SYT1: variants seen among roughly 807,000 people sequenced by gnomAD.
The protein encoded by SYT1 is synaptotagmin 1.
Under a neutral mutation model 44.8 loss-of-function variants are expected in SYT1, and 8 were observed. The ratio of observed to expected loss-of-function variants is 0.18; its 90% CI spans 0.10 to 0.32. SYT1 has a LOEUF of 0.32. Among genes scored for constraint, SYT1 ranks in the 10% least tolerant of loss-of-function variants. The pLI, the probability that SYT1 is intolerant of heterozygous loss-of-function variation, is 1.00. For missense variants in SYT1, 286 were observed against 509.3 expected, an observed-to-expected ratio of 0.56 and a Z score of 4.22; for synonymous variants, 154 against 188.8, an observed-to-expected ratio of 0.82 and a Z score of 1.51.
At chr12:79,020,590 G>A (rs1215569644) in intron 2 of SYT1, among the ~76,000 whole-genome samples, 1 of 151,898 alleles carries the variant, frequency 6.6e-6, no homozygotes, top group Non-Finnish European at 1.5e-5. Context: ...CTGCATTATA[G>A]TATATGCACC....
At chr12:79,179,300 A>AGATATATC in intron 3 of SYT1, among the ~76,000 whole-genome samples, 1 of 98,168 alleles carries the variant, frequency 1.0e-5, no homozygotes, top group Non-Finnish European at 1.9e-5. Flanking sequence ...ATACAGATTT[A>AGATATATC]GATATATCTA....
At chr12:79,176,439 G>C (rs1365050374) in intron 3 of SYT1, among the ~76,000 whole-genome samples, 2 of 151,958 alleles carry the variant, frequency 1.3e-5, no homozygotes, top group Non-Finnish European at 2.9e-5. Flanking sequence ...GACCACAATA[G>C]AAACACTTCA....
intron 3 of SYT1, among the ~76,000 whole-genome samples, chr12:79,182,582 G>A (rs1872601962): frequency 6.6e-6 from 1 of 152,050 alleles, no homozygotes; most frequent in Admixed American, 6.6e-5. Flanking sequence ...GGTAGGTCCA[G>A]ATGATATGCG....
intron 3 of SYT1, among the ~76,000 whole-genome samples, 166 bp downstream of exon 3, chr12:79,047,528 C>A (rs1874157738): frequency 6.6e-6 from 1 of 151,708 alleles, no homozygotes; most frequent in Admixed American, 6.6e-5. Context: ...AATCATTTGT[C>A]CTATAATCCT....
chr12:79,250,195 G>A (rs1469008879), intron 4 of SYT1, among the ~76,000 whole-genome samples: 2 of 152,110 alleles, frequency 1.3e-5, no homozygotes, highest in Non-Finnish European at 2.9e-5. Context: ...GTGAAAGGAG[G>A]ATTCAGGACA....
intron 1 of SYT1, among the ~76,000 whole-genome samples, chr12:78,882,032 A>G (rs1874485386): frequency 6.6e-6 from 1 of 151,708 alleles, no homozygotes; most frequent in African/African-American, 2.4e-5. Context: ...TTATTATACT[A>G]TTCATTAAAT....
chr12:79,273,649 G>A (rs577332393), intron 4 of SYT1, among the ~76,000 whole-genome samples: 5 of 152,140 alleles, frequency 3.3e-5, no homozygotes, highest in Non-Finnish European at 5.9e-5. Flanking sequence ...CAGCGAGGAG[G>A]ATATGAGGAG....
At chr12:78,925,088 A>C (rs553535632) in intron 1 of SYT1, among the ~76,000 whole-genome samples, 2 of 151,956 alleles carry the variant, frequency 1.3e-5, no homozygotes, top group South Asian at 4.1e-4. Context: ...ATCTATTTCT[A>C]TTTTTATGCC....
chr12:79,241,721 T>C (rs563114404), intron 4 of SYT1, among the ~76,000 whole-genome samples: 1 of 152,364 alleles, frequency 6.6e-6, no homozygotes, highest in Admixed American at 6.5e-5. Context: ...AAGTAGATAA[T>C]GTGTGCTGTG....
At chr12:79,200,945 T>C (rs1221561461) in intron 3 of SYT1, among the ~76,000 whole-genome samples, 1 of 152,104 alleles carries the variant, frequency 6.6e-6, no homozygotes, top group Non-Finnish European at 1.5e-5. Flanking sequence ...CATCAACCTG[T>C]ACAAATAGTG....
At chr12:79,151,106 A>G (rs1028813583) in intron 3 of SYT1, among the ~76,000 whole-genome samples, 22 of 152,144 alleles carry the variant, frequency 1.4e-4, no homozygotes, top group Admixed American at 8.5e-4. Flanking sequence ...CTGTGTCCCA[A>G]TGACAGAATG....
intron 1 of SYT1, among the ~76,000 whole-genome samples, chr12:78,964,770 G>A (rs1879685988): frequency 6.6e-6 from 1 of 152,008 alleles, no homozygotes; most frequent in Non-Finnish European, 1.5e-5. Flanking sequence ...GAGTAATTGA[G>A]ACAAAAATAA....
At chr12:78,976,427 T>TA (rs1555185925) in intron 1 of SYT1, among the ~76,000 whole-genome samples, 3 of 152,210 alleles carry the variant, frequency 2.0e-5, no homozygotes, top group African/African-American at 2.4e-5. Flanking sequence ...ACTAAGGACT[T>TA]ACGTTTTCCC....
chr12:78,946,797 A>G (rs1014535963), intron 1 of SYT1, among the ~76,000 whole-genome samples: 1 of 152,184 alleles, frequency 6.6e-6, no homozygotes, highest in Admixed American at 6.5e-5. Context: ...TGCCTATAAC[A>G]TTATACTAAA....
chr12:79,052,759 C>T (rs1874608224), intron 3 of SYT1, among the ~76,000 whole-genome samples: 1 of 152,090 alleles, frequency 6.6e-6, no homozygotes, highest in African/African-American at 2.4e-5. Context: ...TGAAAAAATG[C>T]TCATCATCAC....
At chr12:79,347,492 C>T (rs1403406765) in intron 8 of SYT1, among the ~76,000 whole-genome samples, 2 of 152,184 alleles carry the variant, frequency 1.3e-5, no homozygotes, top group African/African-American at 4.8e-5. Flanking sequence ...CACAGCCCAA[C>T]TTCTCAACCT....
intron 2 of SYT1, among the ~76,000 whole-genome samples, chr12:78,978,616 A>T (rs868557142): frequency 2.0e-5 from 3 of 152,180 alleles, no homozygotes; most frequent in Middle Eastern, 3.2e-3. Flanking sequence ...TTTCTAACAC[A>T]CTTTTATTAG....
chr12:79,039,486 A>G (rs556799194), intron 2 of SYT1, among the ~76,000 whole-genome samples: 40 of 152,084 alleles, frequency 2.6e-4, no homozygotes, highest in Non-Finnish European at 4.9e-4. Flanking sequence ...AGGCATTTAT[A>G]CATGCAAGAA....
intron 3 of SYT1, among the ~76,000 whole-genome samples, chr12:79,209,844 T>C (rs986656617): frequency 1.3e-5 from 2 of 152,224 alleles, no homozygotes; most frequent in Non-Finnish European, 2.9e-5. Context: ...CCTCAAAATA[T>C]ACTCTAACAC....
Sources: allele counts gnomAD v4.1 joint callset (sites outside exome capture counted in the v4.1 genomes callset), GRCh38; gene constraint gnomAD v4.1.1; transcripts MANE v1.5; gene names NCBI Gene and HGNC (gene_info 2026-07-23, HGNC 2026-07-21).